Variants in NEK4 observed in about 807,000 individuals in gnomAD.
The protein encoded by NEK4 is NIMA related kinase 4.
In NEK4, 86 loss-of-function variants were observed where a neutral mutation model predicts 98.4. That is an observed-to-expected ratio of 0.87 (90% CI 0.73 to 1.05). The LOEUF (loss-of-function observed/expected upper bound fraction) is 1.05. Among genes scored for constraint, NEK4 ranks in the 50% least tolerant of loss-of-function variants. NEK4 has a pLI of 0.00. For synonymous variants in NEK4, 328 were observed against 342.2 expected (o/e 0.96, Z 0.46); for missense variants, 898 against 950.3 (o/e 0.94, Z 0.72).
rs774612882 is a variant in NEK4, at chr3:52,766,196, G to C, written c.540C>G (p.Asn180Lys). Residue 180 changes from asparagine to lysine, a missense_variant, in exon 3 of 16, where the codon AAC (asparagine) becomes AAG (lysine). Asn to Lys is a moderately conservative substitution (Grantham distance 94, BLOSUM62 0). Transcript: ENST00000233027. ...ATCCTACCTTATAGTTGTAGGGTTT[G>C]TTTGAGAACAATTCAGGGCTCATGT... Reference protein sequence around the residue: ...PYYMSPELFSNKPYNYKSDVW... With the variant: ...PYYMSPELFSKKPYNYKSDVW... 2.4e-5 allele frequency: 38 copies of C among 1,613,950 alleles called. No individual in the cohort carries two copies. The highest frequency in any genetic ancestry group is 3.2e-5 in the Non-Finnish European group (38 of 1,179,922).
intron 13 of NEK4, among the ~76,000 whole-genome samples, chr3:52,740,936 TG>T (rs2097384740): frequency 6.8e-6 from 1 of 147,954 alleles, no homozygotes; most frequent in South Asian, 2.1e-4. Flanking sequence ...AAAAAAAATG[TG>T]AAGAAATAAT....
chr3:52,719,488 C>T (rs1310390540), intron 15 of NEK4, among the ~76,000 whole-genome samples: 2 of 150,842 alleles, frequency 1.3e-5, no homozygotes, highest in African/African-American at 2.4e-5. Flanking sequence ...AAGGCTGAGG[C>T]AGGAGAATCG....
intron 15 of NEK4, among the ~76,000 whole-genome samples, chr3:52,728,821 G>T (rs927007669): frequency 6.6e-6 from 1 of 152,244 alleles, no homozygotes; most frequent in South Asian, 2.1e-4. Context: ...TCCCTGGGGG[G>T]AGGTCTATAA....
In NEK4 at chr3:52,768,527, CAA is replaced by C; in HGVS notation, c.169_170del (p.Leu57ValfsTer30). On this transcript the variant is annotated frameshift_variant, in exon 2 of 16. Coordinates refer to ENST00000233027, the MANE Select transcript of NEK4 (RefSeq NM_003157.6). LOFTEE classifies it high-confidence loss of function. The part of the protein sequence containing the change: ...RRAAEQEAQL[L>X]SQLKHPNIVT... ...CAATGTTGGGATGCTTCAACTGAGA[CAA>C]GAGCTGGGCTTCCTGTTCAGCAGCT... 1 of 1,614,218 alleles carries C rather than the reference CAA, an allele frequency of 6.2e-7. No homozygotes were observed. The highest frequency in any genetic ancestry group is 8.5e-7 in the Non-Finnish European group (1 of 1,180,034).
chr3:52,751,544 C>G (rs1238256647), intron 7 of NEK4, among the ~76,000 whole-genome samples: 1 of 151,868 alleles, frequency 6.6e-6, no homozygotes, highest in Non-Finnish European at 1.5e-5. Context: ...CTGCTTGAAC[C>G]CAGGAGGCAG....
intron 4 of NEK4, among the ~76,000 whole-genome samples, chr3:52,764,548 G>A (rs1049596635): frequency 1.1e-4 from 16 of 151,562 alleles, no homozygotes; most frequent in Admixed American, 7.9e-4. Flanking sequence ...GGAGAATGGC[G>A]TGAACCCGAG....
chr3:52,742,679 C>G (rs2097388580), intron 12 of NEK4, among the ~76,000 whole-genome samples: 1 of 152,142 alleles, frequency 6.6e-6, no homozygotes, highest in South Asian at 2.1e-4. Flanking sequence ...GAATGATTAG[C>G]AAGTGAGACT....
In NEK4 at chr3:52,763,549, C is replaced by G; in HGVS notation, c.742G>C (p.Glu248Gln). Residue 248 changes from glutamate to glutamine, a missense_variant, in exon 5 of 16, where the codon GAA becomes CAA. Coordinates refer to ENST00000233027, the MANE Select transcript of NEK4 (RefSeq NM_003157.6). The part of the protein sequence containing the change: ...IRTMLSKRPE[E>Q]RPSVRSILRQ... ...AGGATGCTCCTCACAGACGGCCTTT[C>G]TTCAGGCCTTTTGCTCAGCATTGTT... 1.2e-6 allele frequency: 2 copies of G among 1,614,094 alleles called. No individual in the cohort carries two copies. The highest frequency in any genetic ancestry group is 2.7e-5 in the African/African-American group (2 of 75,064).
chr3:52,711,748 T>C lies in NEK4; in HGVS notation c.*29A>G. ...CCAAAATCCTCTAAAAATAGGTCTTTAATTCTGGCAGCAGATTAGGACAAA... is the reference window on the plus strand; with the variant it reads ...CCAAAATCCTCTAAAAATAGGTCTTCAATTCTGGCAGCAGATTAGGACAAA... On this transcript the variant is annotated 3_prime_UTR_variant, in exon 16 of 16. Coordinates refer to ENST00000233027, the MANE Select transcript of NEK4 (RefSeq NM_003157.6). The C allele has an allele frequency of 6.9e-7, 1 of 1,440,762 alleles. No individual in the cohort carries two copies. The highest frequency in any genetic ancestry group is 9.8e-7 in the Non-Finnish European group (1 of 1,025,418). 89.2% of individuals were successfully genotyped at this position (1,440,762 alleles called of 1,614,324 possible).
intron 15 of NEK4, among the ~76,000 whole-genome samples, chr3:52,722,658 T>A (rs2097361083): frequency 6.6e-6 from 1 of 152,154 alleles, no homozygotes; most frequent in African/African-American, 2.4e-5. Context: ...ATTACAGGAC[T>A]CTGGGAGGCT....
At chr3:52,723,860 T>C (rs1561287731) in intron 15 of NEK4, among the ~76,000 whole-genome samples, 1 of 152,014 alleles carries the variant, frequency 6.6e-6, no homozygotes, top group Non-Finnish European at 1.5e-5. Flanking sequence ...ACAAAATAAA[T>C]ATAAACATCC....
At chr3:52,745,422 T>C (rs1366450742) in intron 10 of NEK4, among the ~76,000 whole-genome samples, 1 of 151,806 alleles carries the variant, frequency 6.6e-6, no homozygotes. Context: ...TCTACTAAAA[T>C]ACAAAAATTA....
At chr3:52,731,905 G>A (rs1343386671) in intron 15 of NEK4, among the ~76,000 whole-genome samples, 2 of 152,148 alleles carry the variant, frequency 1.3e-5, no homozygotes, top group South Asian at 2.1e-4. Flanking sequence ...TTTCCCATGC[G>A]GTTCTCATGA....
In NEK4 at chr3:52,770,857, G is replaced by A; in HGVS notation, c.-111C>T. 1.1e-6 allele frequency: 1 copy of A among 938,384 alleles called. No individual in the cohort carries two copies. Among genetic ancestry groups the A allele is most frequent in the Non-Finnish European group, 1.6e-6 (1 of 611,524 alleles). The allele number at this position is 938,384 out of a possible 1,614,324, so 58.1% of individuals were successfully genotyped here. A position where few individuals can be genotyped will look rare whatever the true frequency, so the allele number is the denominator to read the frequency against. ...AGAGGGGGCAGTGGGGGCGGCTGTT[G>A]AGGCAGCCGGGCCCGGGCGGGATTG... On this transcript the variant is annotated 5_prime_UTR_variant, in exon 1 of 16. Transcript: ENST00000233027.
chr3:52,738,666 G>GTC (rs976202114), intron 14 of NEK4, among the ~76,000 whole-genome samples: 4 of 151,976 alleles, frequency 2.6e-5, no homozygotes, highest in African/African-American at 9.7e-5. Context: ...GCCCAGGCTG[G>GTC]TCTCAAACTC....
At chr3:52,744,342 C>G in intron 10 of NEK4, 37 bp from the exon 11 acceptor site, 1 of 1,499,730 alleles carries the variant, frequency 6.7e-7, no homozygotes, top group Non-Finnish European at 9.3e-7. Context: ...TCCATTCCTA[C>G]TTGCTATTTT....
chr3:52,720,004 C>T (rs2097358626), intron 15 of NEK4, among the ~76,000 whole-genome samples: 1 of 152,160 alleles, frequency 6.6e-6, no homozygotes, highest in African/African-American at 2.4e-5. Flanking sequence ...GAAAAAAGTC[C>T]AGGCTTGGTG....
In NEK4 at chr3:52,731,139, G is replaced by C. The variant is rs899189970; in HGVS notation, c.2433+6447C>G. Among the ~76,000 whole-genome samples, 4 of 152,220 alleles carry C rather than the reference G, an allele frequency of 2.6e-5. No individual in the cohort carries two copies. In the East Asian group the frequency reaches 7.7e-4, roughly 29 times the overall value. On this transcript the variant is annotated intron_variant, in intron 15 of 15. Coordinates refer to ENST00000233027, the MANE Select transcript of NEK4 (RefSeq NM_003157.6). ...GCCAATAACAAAACAAAGGAGGTAAGTGGGAGCAAAGCTGTATTAGGCTAC... is the reference window on the plus strand; with the variant it reads ...GCCAATAACAAAACAAAGGAGGTAACTGGGAGCAAAGCTGTATTAGGCTAC...
chr3:52,711,788 T>A lies in NEK4; in HGVS notation c.2515A>T (p.Met839Leu), dbSNP rs917607676. Reference sequence around the variant, plus strand: ...ATTAGGACAAATGCTCAAAAATTCATGTTTTCTTCAAAAAATTTCAACTGG... The same window carrying A: ...ATTAGGACAAATGCTCAAAAATTCAAGTTTTCTTCAAAAAATTTCAACTGG... ...ARQLKFFEEN[M>L]NF is the part of the protein sequence containing the mutation. Residue 839 changes from methionine to leucine, a missense_variant, in exon 16 of 16, where the codon ATG (methionine) becomes TTG (leucine). Physicochemically the swap from Met to Leu is conservative, Grantham distance 15 (BLOSUM62 2). Transcript: ENST00000233027. 3.7e-6 allele frequency: 6 copies of A among 1,604,936 alleles called. No individual in the cohort carries two copies. The highest frequency in any genetic ancestry group is 5.1e-6 in the Non-Finnish European group (6 of 1,172,482).
Sources: allele counts gnomAD v4.1 joint callset (sites outside exome capture counted in the v4.1 genomes callset), GRCh38; gene constraint gnomAD v4.1.1; transcripts MANE v1.5; gene names NCBI Gene and HGNC (gene_info 2026-07-23, HGNC 2026-07-21).